The following GSTCD variants were observed in gnomAD, a reference collection of about 807,000 sequenced individuals.
The protein encoded by GSTCD is glutathione S-transferase C-terminal domain-containing protein.
In GSTCD, 44 loss-of-function variants were observed where a neutral mutation model predicts 68.3. The observed-to-expected ratio is 0.64, with a 90% CI of 0.51 to 0.83. GSTCD has a LOEUF of 0.83. Among genes scored for constraint, GSTCD ranks in the 40% least tolerant of loss-of-function variants. GSTCD has a pLI of 0.00. For synonymous variants in GSTCD, 273 were observed against 255.2 expected, an observed-to-expected ratio of 1.07 and a Z score of -0.67; for missense variants, 739 against 735.9, an observed-to-expected ratio of 1.00 and a Z score of -0.05.
chr4:105,720,686 C>T (rs1732833542), intron 3 of GSTCD, among the ~76,000 whole-genome samples: 1 of 152,080 alleles, frequency 6.6e-6, no homozygotes, highest in Non-Finnish European at 1.5e-5. Context: ...GGGAAGAAGA[C>T]ATTGATTTTT....
intron 9 of GSTCD, among the ~76,000 whole-genome samples, chr4:105,835,441 G>A (rs1297164684): frequency 6.6e-6 from 1 of 152,144 alleles, no homozygotes; most frequent in Non-Finnish European, 1.5e-5. Flanking sequence ...CACCAGCTTG[G>A]GTGCTGGCTC....
chr4:105,771,980 A>T (rs1355097099), intron 5 of GSTCD, among the ~76,000 whole-genome samples: 2 of 152,188 alleles, frequency 1.3e-5, no homozygotes, highest in East Asian at 3.9e-4. Flanking sequence ...CATTTTCACG[A>T]TATTGATTCT....
intron 3 of GSTCD, among the ~76,000 whole-genome samples, chr4:105,724,006 T>A (rs1420526090): frequency 6.6e-6 from 1 of 151,862 alleles, no homozygotes; most frequent in African/African-American, 2.4e-5. Flanking sequence ...TTGTGCTCAT[T>A]TAATCTTAAA....
intron 7 of GSTCD, among the ~76,000 whole-genome samples, chr4:105,824,133 G>A (rs769535726): frequency 2.0e-5 from 3 of 151,720 alleles, no homozygotes; most frequent in African/African-American, 4.8e-5. Flanking sequence ...GAATACTTGC[G>A]GAAGAAAAAA....
At chr4:105,713,616 A>T (rs1732601383) in intron 1 of GSTCD, among the ~76,000 whole-genome samples, 1 of 152,194 alleles carries the variant, frequency 6.6e-6, no homozygotes, top group Non-Finnish European at 1.5e-5. Flanking sequence ...ACTTTTAAGG[A>T]TTGTGAGCAT....
chr4:105,838,454 T>C (rs1312870728), intron 10 of GSTCD, among the ~76,000 whole-genome samples: 2 of 152,282 alleles, frequency 1.3e-5, no homozygotes, highest in East Asian at 3.8e-4. Context: ...CCTCTCATTG[T>C]CCTTGACATT....
At chr4:105,811,283 G>T (rs1247265625) in intron 5 of GSTCD, among the ~76,000 whole-genome samples, 1 of 151,938 alleles carries the variant, frequency 6.6e-6, no homozygotes, top group Non-Finnish European at 1.5e-5. Flanking sequence ...TTAGTATCTT[G>T]AGAGACTACT....
intron 5 of GSTCD, among the ~76,000 whole-genome samples, chr4:105,779,834 C>T (rs1182266792): frequency 6.6e-6 from 1 of 152,178 alleles, no homozygotes; most frequent in Admixed American, 6.5e-5. Flanking sequence ...TATTAATGCT[C>T]ACTTAGTATT....
At chr4:105,763,759 AT>A (rs1401947399) in intron 5 of GSTCD, among the ~76,000 whole-genome samples, 2 of 152,170 alleles carry the variant, frequency 1.3e-5, no homozygotes, top group Non-Finnish European at 2.9e-5. Flanking sequence ...TTGGAATCAA[AT>A]TTGTACTCTT....
intron 5 of GSTCD, among the ~76,000 whole-genome samples, chr4:105,768,480 A>G (rs1057351180): frequency 1.3e-5 from 2 of 152,130 alleles, no homozygotes; most frequent in African/African-American, 4.8e-5. Context: ...AATCAGGCCT[A>G]TTGTTTTATT....
intron 5 of GSTCD, among the ~76,000 whole-genome samples, chr4:105,809,252 A>G (rs1722657740): frequency 6.6e-6 from 1 of 152,074 alleles, no homozygotes; most frequent in Non-Finnish European, 1.5e-5. Flanking sequence ...CCTTAAATTC[A>G]TGGGTAGAAG....
At chr4:105,809,427 C>T (rs374534979) in intron 5 of GSTCD, among the ~76,000 whole-genome samples, 1 of 152,102 alleles carries the variant, frequency 6.6e-6, no homozygotes, top group Non-Finnish European at 1.5e-5. Context: ...ATAATCCATA[C>T]ACCTTACTCT....
At chr4:105,842,283 C>A in intron 11 of GSTCD, 149 bp downstream of exon 11, 1 of 632,328 alleles carries the variant, frequency 1.6e-6, no homozygotes. Flanking sequence ...AAACTTAATT[C>A]ATATTGAAAA....
chr4:105,741,185 G>A (rs915665513), intron 5 of GSTCD, among the ~76,000 whole-genome samples: 2 of 151,236 alleles, frequency 1.3e-5, no homozygotes, highest in East Asian at 1.9e-4. Flanking sequence ...TGTATCTCAC[G>A]GGTCATTTCT....
intron 5 of GSTCD, among the ~76,000 whole-genome samples, chr4:105,811,498 A>C (rs1164091066): frequency 8.2e-6 from 1 of 122,440 alleles, no homozygotes; most frequent in African/African-American, 3.2e-5. Flanking sequence ...TTAAAAATCT[A>C]GGAAGGGGAA....
intron 5 of GSTCD, among the ~76,000 whole-genome samples, chr4:105,776,053 G>A (rs1195611144): frequency 1.3e-5 from 2 of 152,236 alleles, no homozygotes; most frequent in Non-Finnish European, 1.5e-5. Flanking sequence ...CAGAGAGGAG[G>A]AATCTAGAGA....
intron 5 of GSTCD, among the ~76,000 whole-genome samples, chr4:105,780,927 A>T (rs1735251888): frequency 6.6e-6 from 1 of 152,172 alleles, no homozygotes; most frequent in African/African-American, 2.4e-5. Flanking sequence ...GGGAGGCAGT[A>T]GAGAGACATA....
At chr4:105,717,162 A>G (rs936063811) in intron 1 of GSTCD, among the ~76,000 whole-genome samples, 2 of 152,156 alleles carry the variant, frequency 1.3e-5, no homozygotes, top group East Asian at 1.9e-4. Flanking sequence ...TCCCCTCCCT[A>G]TTATTTTGTA....
intron 8 of GSTCD, among the ~76,000 whole-genome samples, chr4:105,832,620 T>A (rs1723942128): frequency 6.6e-6 from 1 of 152,172 alleles, no homozygotes; most frequent in Non-Finnish European, 1.5e-5. Context: ...CCTCAGTAGC[T>A]GTTTTGTTGT....
Sources: allele counts gnomAD v4.1 joint callset (sites outside exome capture counted in the v4.1 genomes callset), GRCh38; gene constraint gnomAD v4.1.1; transcripts MANE v1.5; gene names NCBI Gene and HGNC (gene_info 2026-07-23, HGNC 2026-07-21).